The following NBEA variants were observed in gnomAD, a reference collection of about 807,000 sequenced individuals.
NBEA encodes the protein lysosomal-trafficking regulator 2.
Under a neutral mutation model 343.4 loss-of-function variants are expected in NBEA, and 44 were observed. The observed-to-expected ratio is 0.13, with a 90% CI of 0.10 to 0.16. The LOEUF (loss-of-function observed/expected upper bound fraction) is 0.16. Ranked by LOEUF, NBEA falls within the 10% of genes least tolerant of loss-of-function variation. The pLI, the probability that NBEA is intolerant of heterozygous loss-of-function variation, is 1.00. For missense variants in NBEA, 2,555 were observed against 3,631.3 expected (o/e 0.70, Z 7.62); for synonymous variants, 1,175 against 1,238.7 (o/e 0.95, Z 1.08).
chr13:34,999,852 C>T (rs1379808432), intron 1 of NBEA, among the ~76,000 whole-genome samples: 2 of 152,058 alleles, frequency 1.3e-5, no homozygotes, highest in Admixed American at 1.3e-4. Flanking sequence ...GATTTTAACA[C>T]AGGCATTCTA....
chr13:35,582,461 A>G (rs2081099125), intron 45 of NBEA, among the ~76,000 whole-genome samples: 1 of 152,140 alleles, frequency 6.6e-6, no homozygotes, highest in South Asian at 2.1e-4. Flanking sequence ...CCTTTTTTAC[A>G]TCTATCTAAA....
chr13:34,960,390 A>G (rs192192398), intron 1 of NBEA, among the ~76,000 whole-genome samples: 5 of 152,212 alleles, frequency 3.3e-5, no homozygotes, highest in African/African-American at 1.2e-4. Context: ...AGCTAAGTTT[A>G]CTTTAATATT....
At chr13:34,964,831 C>T (rs2059769930) in intron 1 of NBEA, among the ~76,000 whole-genome samples, 1 of 151,970 alleles carries the variant, frequency 6.6e-6, no homozygotes, top group Admixed American at 6.6e-5. Flanking sequence ...CAGGTTAACA[C>T]TGGAGCAGAA....
chr13:35,404,670 G>C (rs537511644), intron 38 of NBEA, among the ~76,000 whole-genome samples: 5 of 149,326 alleles, frequency 3.3e-5, no homozygotes, highest in Admixed American at 1.3e-4. Context: ...GAGTTAATGG[G>C]TGCAGCACAC....
intron 49 of NBEA, among the ~76,000 whole-genome samples, chr13:35,639,125 G>A (rs1436923281): frequency 1.3e-5 from 2 of 152,068 alleles, no homozygotes; most frequent in Admixed American, 6.5e-5. Context: ...ATTTTGCCAG[G>A]ATAATTTTAG....
chr13:35,022,788 C>T (rs2061892307), intron 1 of NBEA, among the ~76,000 whole-genome samples: 1 of 152,096 alleles, frequency 6.6e-6, no homozygotes, highest in Non-Finnish European at 1.5e-5. Flanking sequence ...TCAGTTTCCT[C>T]ATTTGAGACA....
chr13:35,142,218 C>T (rs375567596), intron 17 of NBEA, 51 bp from the exon 18 acceptor site: 91 of 1,137,086 alleles, frequency 8.0e-5, no homozygotes, highest in East Asian at 2.6e-4. Flanking sequence ...GTCATGTGAT[C>T]GGAGAATCCA....
At chr13:35,457,678 G>A (rs763626721) in intron 40 of NBEA, among the ~76,000 whole-genome samples, 1 of 152,026 alleles carries the variant, frequency 6.6e-6, no homozygotes, top group Non-Finnish European at 1.5e-5. Context: ...GCGAGATCTC[G>A]GTTCACTGCA....
At chr13:35,095,544 T>C (rs1465220001) in intron 10 of NBEA, among the ~76,000 whole-genome samples, 2 of 151,816 alleles carry the variant, frequency 1.3e-5, no homozygotes, top group African/African-American at 4.8e-5. Flanking sequence ...TGTTAGTTTC[T>C]AACTTAAATG....
At chr13:35,196,831 T>C (rs117685552) in intron 31 of NBEA, among the ~76,000 whole-genome samples, 1 of 152,150 alleles carries the variant, frequency 6.6e-6, no homozygotes, top group Non-Finnish European at 1.5e-5. Flanking sequence ...CCAATACCAA[T>C]GTAAAAGCTG....
At chr13:35,122,608 A>C (rs2066866540) in intron 16 of NBEA, among the ~76,000 whole-genome samples, 2 of 151,724 alleles carry the variant, frequency 1.3e-5, no homozygotes, top group East Asian at 2.0e-4. Context: ...ATTAGGAGAT[A>C]TACCTAATGT....
chr13:34,943,045 A>C lies in NBEA; in HGVS notation c.225A>C (p.Ala75=), dbSNP rs368536409. The change falls in exon 1 of 59, where the codon GCA becomes GCC. Residue 75 remains alanine (A), a synonymous_variant. Transcript: ENST00000379939. ...TCCGCAACATCCGGATGAAATTCGC[A>C]GTGTTGATTGGACTCATACAGGTCG... ...VPIRNIRMKF[A]VLIGLIQVGE... 1.2e-6 allele frequency: 2 copies of C among 1,613,082 alleles called. No individual in the cohort carries two copies. Among genetic ancestry groups the C allele is most frequent in the African/African-American group, 1.3e-5 (1 of 74,794 alleles).
chr13:35,464,107 G>A (rs942817461), intron 40 of NBEA, among the ~76,000 whole-genome samples: 1 of 151,836 alleles, frequency 6.6e-6, no homozygotes, highest in South Asian at 2.1e-4. Context: ...CAAATATATA[G>A]GTGAACTTTT....
At chr13:35,475,580 A>T in intron 41 of NBEA, 1 of 1,613,484 alleles carries the variant, frequency 6.2e-7, no homozygotes, top group African/African-American at 1.3e-5. Context: ...GGAAGTGGCC[A>T]GTGGGCAGCA....
chr13:35,349,132 C>T lies in NBEA; in HGVS notation c.5928C>T (p.Asp1976=). ...EGRLLCHAMK[D]HIVRVANEAE... The stretch of plus-strand genomic sequence containing the variant: ...GATTACTGTGCCATGCTATGAAGGA[C>T]CATATAGTCCGTGTTGCAAATGAAG... Residue 1976 remains aspartate (D), a synonymous_variant, in exon 37 of 59, where the codon GAC becomes GAT. Transcript: ENST00000379939. 1.2e-6 allele frequency: 2 copies of T among 1,602,482 alleles called. No individual in the cohort carries two copies. Among genetic ancestry groups the T allele is most frequent in the East Asian group, 2.2e-5 (1 of 44,478 alleles).
intron 45 of NBEA, among the ~76,000 whole-genome samples, chr13:35,575,266 C>T (rs1003715807): frequency 2.0e-5 from 3 of 152,066 alleles, no homozygotes; most frequent in African/African-American, 7.2e-5. Flanking sequence ...CATCTGATGA[C>T]AAAAGGCCAT....
At chr13:35,461,901 G>C (rs1566167980) in intron 40 of NBEA, among the ~76,000 whole-genome samples, 1 of 152,168 alleles carries the variant, frequency 6.6e-6, no homozygotes, top group Non-Finnish European at 1.5e-5. Context: ...TTAGCCCTAA[G>C]GACAAGTATT....
chr13:35,193,939 G>A (rs1239895260), intron 30 of NBEA, among the ~76,000 whole-genome samples: 1 of 151,724 alleles, frequency 6.6e-6, no homozygotes, highest in Admixed American at 6.6e-5. Flanking sequence ...TTTGATATTA[G>A]GAATATTGAA....
At chr13:35,541,879 C>T (rs1437409990) in intron 41 of NBEA, among the ~76,000 whole-genome samples, 1 of 151,884 alleles carries the variant, frequency 6.6e-6, no homozygotes, top group Non-Finnish European at 1.5e-5. Flanking sequence ...TTGAAAAGAG[C>T]TATTAATATC....
Sources: gnomAD v4.1 joint callset for allele counts (sites outside exome capture counted in the v4.1 genomes callset) on GRCh38, gnomAD v4.1.1 for gene constraint, MANE v1.5 for transcripts, NCBI Gene and HGNC (gene_info 2026-07-23, HGNC 2026-07-21) for gene names.